Variants in CRY1 observed in about 807,000 individuals in gnomAD.
CRY1 encodes cryptochrome-1.
In CRY1, 45 loss-of-function variants were observed where a neutral mutation model predicts 76.0. The ratio of observed to expected loss-of-function variants is 0.59; its 90% CI spans 0.47 to 0.76. The LOEUF is 0.76. CRY1 is among the 30% of genes least tolerant of loss of function. The probability of loss-of-function intolerance (pLI) is 0.00; values close to 1 mark genes in which losing one functional copy is unlikely to be tolerated. For missense variants in CRY1, 587 were observed against 716.4 expected, an observed-to-expected ratio of 0.82 and a Z score of 2.06; for synonymous variants, 248 against 244.0, an observed-to-expected ratio of 1.02 and a Z score of -0.15.
intron 2 of CRY1, among the ~76,000 whole-genome samples, chr12:107,012,684 G>A (rs972270036): frequency 6.6e-6 from 1 of 152,208 alleles, no homozygotes; most frequent in Admixed American, 6.5e-5. Context: ...TGATGGGTCT[G>A]AGCAAAGTAA....
intron 2 of CRY1, among the ~76,000 whole-genome samples, chr12:107,016,595 T>TCATC (rs962740652): frequency 3.9e-5 from 6 of 152,160 alleles, no homozygotes; most frequent in Admixed American, 3.9e-4. Context: ...CATCCATCCA[T>TCATC]CATCCTTTCC....
chr12:107,023,068 T>G (rs529223286), intron 1 of CRY1, among the ~76,000 whole-genome samples: 3 of 151,280 alleles, frequency 2.0e-5, no homozygotes, highest in Admixed American at 6.6e-5. Flanking sequence ...ATCTTATTAT[T>G]TGACTCATGT....
In CRY1 at chr12:107,092,967, G is replaced by C. The variant is rs777352879; in HGVS notation, c.-6C>G. The C allele has an allele frequency of 3.3e-6, 5 of 1,530,572 alleles. No individual in the cohort carries two copies. The highest frequency in any genetic ancestry group is 4.9e-4 in the Middle Eastern group (2 of 4,050). 94.8% of individuals were successfully genotyped at this position (1,530,572 alleles called of 1,614,324 possible). A position where few individuals can be genotyped will look rare whatever the true frequency, so the allele number is the denominator to read the frequency against. On this transcript the variant is annotated 5_prime_UTR_variant, in exon 1 of 13. Transcript: ENST00000008527. The stretch of plus-strand genomic sequence containing the variant: ...TGCACGGCGTTCACCCCCATGCCGG[G>C]GGGCGCGGCGGGTCCTCCACGGAGA...
chr12:107,003,042 C>T (rs1952330113), intron 3 of CRY1, among the ~76,000 whole-genome samples: 1 of 152,130 alleles, frequency 6.6e-6, no homozygotes, highest in African/African-American at 2.4e-5. Context: ...AAAACAATTA[C>T]CCTATTTCCT....
At chr12:107,032,392 C>G (rs981950674) in intron 1 of CRY1, among the ~76,000 whole-genome samples, 1 of 152,092 alleles carries the variant, frequency 6.6e-6, no homozygotes, top group Non-Finnish European at 1.5e-5. Flanking sequence ...AAAAAATCCT[C>G]CGAGAATGAA....
intron 1 of CRY1, among the ~76,000 whole-genome samples, chr12:107,074,027 G>A (rs961524733): frequency 6.6e-6 from 1 of 151,908 alleles, no homozygotes; most frequent in Non-Finnish European, 1.5e-5. Flanking sequence ...TCTCTTCATG[G>A]GATCTCAAAA....
At chr12:107,032,237 A>G (rs761025572) in intron 1 of CRY1, among the ~76,000 whole-genome samples, 339 of 152,302 alleles carry the variant, frequency 2.2e-3, no homozygotes, top group Non-Finnish European at 3.9e-3. Context: ...CCCGGCCAGT[A>G]CTATGGTTTC....
Position 106,995,881 on chromosome 12 carries a change from T to A in CRY1, c.1585+1413A>T, listed in dbSNP as rs184783439. On this transcript the variant is annotated intron_variant, in intron 10 of 12. Transcript: ENST00000008527. Reference sequence around the variant, plus strand: ...TTTTTGAGATGGAGTTTTGCTCTTGTTATCCAGGCTGGAGTGCAATGGCGC... The same window carrying A: ...TTTTTGAGATGGAGTTTTGCTCTTGATATCCAGGCTGGAGTGCAATGGCGC... Among the ~76,000 whole-genome samples, 447 of 152,310 alleles carry A rather than the reference T, an allele frequency of 2.9e-3. 2 individuals are homozygous for A. The highest frequency in any genetic ancestry group is 0.01 in the African/African-American group (425 of 41,560).
intron 10 of CRY1, among the ~76,000 whole-genome samples, chr12:106,993,255 TTGA>T (rs1328968650): frequency 6.6e-6 from 1 of 151,908 alleles, no homozygotes; most frequent in African/African-American, 2.4e-5. Context: ...GGAAAAATCA[TTGA>T]TGATCATTTT....
intron 1 of CRY1, among the ~76,000 whole-genome samples, chr12:107,042,065 TAGC>T (rs1411942281): frequency 1.4e-4 from 21 of 152,122 alleles, no homozygotes; most frequent in Non-Finnish European, 3.1e-4. Flanking sequence ...TAAACAGTAA[TAGC>T]AGTACATTAT....
Position 107,022,093 on chromosome 12 carries a change from C to G in CRY1, c.258G>C (p.Arg86Ser). ...ATATTTTTCAAATTACCTTGAAAAG[C>G]CTGGGAAACACATCTGCTGGTTGTC... is the stretch of plus-strand genomic sequence containing the variant. ...IRGQPADVFP[R>S]LFKEWNITKL... The change falls in exon 2 of 13, where the codon AGG (arginine) becomes AGC (serine). Residue 86 changes from arginine to serine, a missense_variant. Arg to Ser is a moderately radical substitution (Grantham distance 110, BLOSUM62 -1). Transcript: ENST00000008527. 1 of 1,599,050 alleles carries G rather than the reference C, an allele frequency of 6.3e-7. No homozygotes were observed. The highest frequency in any genetic ancestry group is 1.1e-5 in the South Asian group (1 of 88,266).
chr12:107,071,828 C>T (rs926412656), intron 1 of CRY1, among the ~76,000 whole-genome samples: 5 of 152,056 alleles, frequency 3.3e-5, no homozygotes, highest in Non-Finnish European at 5.9e-5. Flanking sequence ...CTAGATTTAA[C>T]GGCAGGTATT....
intron 1 of CRY1, among the ~76,000 whole-genome samples, chr12:107,035,847 A>G (rs1952727145): frequency 6.6e-6 from 1 of 152,226 alleles, no homozygotes; most frequent in Admixed American, 6.5e-5. Flanking sequence ...CTCCTCCCAC[A>G]GTCTTCCAAT....
intron 2 of CRY1, among the ~76,000 whole-genome samples, chr12:107,010,531 GTC>G (rs1452506269): frequency 6.6e-6 from 1 of 152,068 alleles, no homozygotes; most frequent in Non-Finnish European, 1.5e-5. Context: ...CTCACCTCGT[GTC>G]TCTGTGTCAC....
At position 107,010,481 on chromosome 12, in the gene CRY1, C is replaced by T. The variant is rs142246763; in HGVS notation, c.268-5233G>A. On this transcript the variant is annotated intron_variant, in intron 2 of 12. Coordinates refer to ENST00000008527, the MANE Select transcript of CRY1 (RefSeq NM_004075.5). ...ATCAAAGGCTAACGGCAACCCTGCA[C>T]TAAGCAATTCTATTGGTGCCATTTT... 2.0e-3 allele frequency among the ~76,000 whole-genome samples: 307 copies of T among 152,304 alleles called. 3 individuals carry two copies. Among genetic ancestry groups the T allele is most frequent in the African/African-American group, 7.1e-3 (293 of 41,560 alleles).
chr12:107,071,903 C>T (rs1953194216), intron 1 of CRY1, among the ~76,000 whole-genome samples: 1 of 151,854 alleles, frequency 6.6e-6, no homozygotes, highest in African/African-American at 2.4e-5. Flanking sequence ...CCTAGAATAA[C>T]CAATAAACAC....
chr12:107,093,149 A>G lies in CRY1; in HGVS notation c.-188T>C. On this transcript the variant is annotated 5_prime_UTR_variant, in exon 1 of 13. Transcript: ENST00000008527. ...GCGGGGGCGCCGGAGGCGCAGTGGA[A>G]AGATGAATGGAGGTTGCCTAGTCGG... is the stretch of plus-strand genomic sequence containing the variant. 1.5e-6 allele frequency: 1 copy of G among 671,028 alleles called. No homozygotes were observed. The highest frequency in any genetic ancestry group is 2.4e-6 in the Non-Finnish European group (1 of 422,690). The allele number at this position is 671,028 out of a possible 1,614,324, so 41.6% of individuals were successfully genotyped here.
chr12:106,992,051 A>G (rs546358121), intron 12 of CRY1, 50 bp from the exon 13 acceptor site: 6 of 152,286 alleles, frequency 3.9e-5, no homozygotes, highest in African/African-American at 1.2e-4. Flanking sequence ...ATTGCAAATA[A>G]TTCAATGACA....
chr12:107,050,941 G>A (rs1264119754), intron 1 of CRY1, among the ~76,000 whole-genome samples: 1 of 152,060 alleles, frequency 6.6e-6, no homozygotes, highest in African/African-American at 2.4e-5. Flanking sequence ...CTTTGATAAG[G>A]AGACTTAACA....
Sources: gnomAD v4.1 joint callset for allele counts (sites outside exome capture counted in the v4.1 genomes callset) on GRCh38, gnomAD v4.1.1 for gene constraint, MANE v1.5 for transcripts, NCBI Gene and HGNC (gene_info 2026-07-23, HGNC 2026-07-21) for gene names.